The following TRDN variants were observed in gnomAD, a reference collection of about 807,000 sequenced individuals.
The protein encoded by TRDN is triadin in skeletal muscle.
Under a neutral mutation model 149.7 loss-of-function variants are expected in TRDN, and 161 were observed. The observed-to-expected ratio is 1.08, with a 90% CI of 0.95 to 1.23. The LOEUF is 1.23. TRDN is among the 50% of genes most tolerant of loss of function. TRDN has a pLI of 0.00. For missense variants in TRDN, 896 were observed against 823.5 expected (o/e 1.09, Z -1.08); for synonymous variants, 294 against 250.5 (o/e 1.17, Z -1.64).
chr6:123,337,343 A>G (rs943525102), intron 22 of TRDN, among the ~76,000 whole-genome samples: 8 of 151,976 alleles, frequency 5.3e-5, no homozygotes, highest in African/African-American at 1.9e-4. Flanking sequence ...CTTCCCTTCT[A>G]TATTTTTTAT....
At chr6:123,535,468 T>C (rs1583204640) in intron 4 of TRDN, among the ~76,000 whole-genome samples, 3 of 152,162 alleles carry the variant, frequency 2.0e-5, no homozygotes, top group Non-Finnish European at 4.4e-5. Context: ...TAGTATCTCC[T>C]CTTAGATCCT....
chr6:123,568,426 C>T (rs1031931933), intron 2 of TRDN, among the ~76,000 whole-genome samples: 3 of 152,214 alleles, frequency 2.0e-5, no homozygotes, highest in African/African-American at 4.8e-5. Flanking sequence ...GTGGGTGGGT[C>T]CTCCAAACAC....
chr6:123,490,774 T>A (rs1486107953), intron 9 of TRDN, among the ~76,000 whole-genome samples: 1 of 152,134 alleles, frequency 6.6e-6, no homozygotes, highest in African/African-American at 2.4e-5. Context: ...TTAAAAATAA[T>A]TGAATGCATT....
chr6:123,295,851 G>T (rs1236331251), intron 24 of TRDN, among the ~76,000 whole-genome samples: 1 of 151,864 alleles, frequency 6.6e-6, no homozygotes, highest in Non-Finnish European at 1.5e-5. Flanking sequence ...TATAATCCCA[G>T]CTACTCAGGA....
At chr6:123,515,742 T>C (rs1431965208) in intron 6 of TRDN, among the ~76,000 whole-genome samples, 2 of 152,212 alleles carry the variant, frequency 1.3e-5, no homozygotes, top group East Asian at 3.9e-4. Context: ...ACTTATTATC[T>C]ATTCTACATA....
chr6:123,281,836 T>G (rs1183222566), intron 24 of TRDN, among the ~76,000 whole-genome samples: 1 of 152,046 alleles, frequency 6.6e-6, no homozygotes, highest in Non-Finnish European at 1.5e-5. Context: ...TCATCAGCAT[T>G]CACATAACAT....
chr6:123,580,819 T>A (rs376331947), intron 1 of TRDN, among the ~76,000 whole-genome samples: 24 of 152,352 alleles, frequency 1.6e-4, no homozygotes, highest in African/African-American at 5.5e-4. Context: ...TCCTTTGTAG[T>A]TGGTGTTTCC....
rs180937122 is a variant in TRDN, at chr6:123,495,453, A to T, written c.853+1740T>A. On this transcript the variant is annotated intron_variant, in intron 9 of 40. Coordinates refer to ENST00000334268, the MANE Select transcript of TRDN (RefSeq NM_006073.4). ...AGAATCGCTTGAACCCAGGAGGCAG[A>T]GGTTGCAGTGAGCCGAGATCACACC... Among the ~76,000 whole-genome samples the T allele has an allele frequency of 7.8e-3, 1,188 of 151,674 alleles. 19 individuals carry two copies. Among genetic ancestry groups the T allele is most frequent in the African/African-American group, 0.027 (1,127 of 41,300 alleles).
At chr6:123,404,149 T>G (rs1204330419) in intron 12 of TRDN, among the ~76,000 whole-genome samples, 1 of 152,198 alleles carries the variant, frequency 6.6e-6, no homozygotes, top group Non-Finnish European at 1.5e-5. Context: ...AATCTTCTCC[T>G]TGGACTTTCA....
At chr6:123,395,862 C>T (rs897634567) in intron 12 of TRDN, among the ~76,000 whole-genome samples, 2 of 152,102 alleles carry the variant, frequency 1.3e-5, no homozygotes, top group African/African-American at 4.8e-5. Flanking sequence ...TGCAGTTGCA[C>T]GAACCTCAAT....
intron 24 of TRDN, among the ~76,000 whole-genome samples, chr6:123,296,902 T>G (rs1778222496): frequency 6.6e-6 from 1 of 152,070 alleles, no homozygotes; most frequent in Admixed American, 6.6e-5. Flanking sequence ...CTCTGACAAT[T>G]AGAACAAATT....
chr6:123,347,156 G>C (rs1780285163), intron 21 of TRDN, among the ~76,000 whole-genome samples: 1 of 152,016 alleles, frequency 6.6e-6, no homozygotes, highest in Non-Finnish European at 1.5e-5. Context: ...TGCTTCCAGT[G>C]ATAAGGATTT....
At chr6:123,446,434 T>G (rs1004054873) in intron 10 of TRDN, among the ~76,000 whole-genome samples, 1 of 151,422 alleles carries the variant, frequency 6.6e-6, no homozygotes, top group Non-Finnish European at 1.5e-5. Context: ...AAGAAAAAAT[T>G]AGCCAGGTGG....
chr6:123,525,060 T>G (rs1473711626), intron 5 of TRDN, among the ~76,000 whole-genome samples: 3 of 152,072 alleles, frequency 2.0e-5, no homozygotes, highest in Non-Finnish European at 4.4e-5. Flanking sequence ...AAACAACAGA[T>G]GTCATGGATG....
At chr6:123,544,011 A>C (rs1251928616) in intron 4 of TRDN, among the ~76,000 whole-genome samples, 2 of 152,070 alleles carry the variant, frequency 1.3e-5, no homozygotes, top group Admixed American at 1.3e-4. Flanking sequence ...TAACCTTTAG[A>C]CTATAAGAAT....
At chr6:123,364,435 G>A (rs905214117) in intron 20 of TRDN, among the ~76,000 whole-genome samples, 2 of 152,132 alleles carry the variant, frequency 1.3e-5, no homozygotes, top group African/African-American at 4.8e-5. Context: ...TCAAGAGATT[G>A]AGACCACCCT....
At chr6:123,519,697 A>T (rs1253520098) in intron 5 of TRDN, among the ~76,000 whole-genome samples, 1 of 151,416 alleles carries the variant, frequency 6.6e-6, no homozygotes. Flanking sequence ...ACTTTAGACT[A>T]CTGCATAGGA....
intron 33 of TRDN, among the ~76,000 whole-genome samples, chr6:123,263,115 G>T (rs1312234853): frequency 6.6e-6 from 1 of 152,088 alleles, no homozygotes; most frequent in Non-Finnish European, 1.5e-5. Flanking sequence ...TAGCCAAGTT[G>T]TAAATGCAAA....
chr6:123,570,847 G>A (rs1583264285), intron 2 of TRDN, 76 bp downstream of exon 2: 1 of 1,359,038 alleles, frequency 7.4e-7, no homozygotes. Context: ...CAGAAACCAA[G>A]CAGGAACTGG....
Sources: gnomAD v4.1 joint callset for allele counts (sites outside exome capture counted in the v4.1 genomes callset) on GRCh38, gnomAD v4.1.1 for gene constraint, MANE v1.5 for transcripts, NCBI Gene and HGNC (gene_info 2026-07-23, HGNC 2026-07-21) for gene names.